MYO1E: variants seen among roughly 807,000 people sequenced by gnomAD.
MYO1E encodes the protein myosin IE, also known as unconventional myosin-Ie.
Under a neutral mutation model 151.1 loss-of-function variants are expected in MYO1E, and 68 were observed. That is an observed-to-expected ratio of 0.45 (90% CI 0.37 to 0.55). The LOEUF (loss-of-function observed/expected upper bound fraction) is 0.55, where lower values mean the gene tolerates loss of function less well. Among genes scored for constraint, MYO1E ranks in the 20% least tolerant of loss-of-function variants. The pLI is 0.00. For missense variants in MYO1E, 1,363 were observed against 1,389.3 expected, an observed-to-expected ratio of 0.98 and a Z score of 0.30; for synonymous variants, 601 against 501.7, an observed-to-expected ratio of 1.20 and a Z score of -2.64.
intron 4 of MYO1E, among the ~76,000 whole-genome samples, chr15:59,248,411 G>A (rs1032036713): frequency 2.0e-5 from 3 of 148,498 alleles, no homozygotes; most frequent in Admixed American, 6.7e-5. Context: ...GCTTGAACCC[G>A]GGGGGATGGA....
chr15:59,201,049 A>C (rs2079798406), intron 16 of MYO1E, among the ~76,000 whole-genome samples: 1 of 152,210 alleles, frequency 6.6e-6, no homozygotes, highest in South Asian at 2.1e-4. Flanking sequence ...GATTTTAAAA[A>C]ATAGCTCAGT....
intron 2 of MYO1E, among the ~76,000 whole-genome samples, chr15:59,268,917 G>C (rs1425810495): frequency 6.6e-6 from 1 of 151,502 alleles, no homozygotes; most frequent in African/African-American, 2.4e-5. Flanking sequence ...ACTGACTACG[G>C]ACATCATTTG....
chr15:59,183,825 C>T (rs1192936109), intron 18 of MYO1E, among the ~76,000 whole-genome samples: 6 of 152,110 alleles, frequency 3.9e-5, no homozygotes, highest in Admixed American at 2.0e-4. Context: ...CCTCCCTTCC[C>T]CTTCCCCCAC....
chr15:59,209,091 G>C, intron 13 of MYO1E: 4 of 576,154 alleles, frequency 6.9e-6, no homozygotes, highest in Non-Finnish European at 1.2e-5. Context: ...TTTTATCCAA[G>C]AGTCATGCAC....
rs534981642 is a variant in MYO1E at position 59,160,260 on chromosome 15, T to TA, written c.2785+812dup. On this transcript the variant is annotated intron_variant, in intron 24 of 27. Coordinates refer to ENST00000288235, the MANE Select transcript of MYO1E (RefSeq NM_004998.4). Reference sequence around the variant, plus strand: ...ATTATTCTATGCTGTGTGCTATAGATATAAGTTTATAAATATCAATTATAA... The same window carrying TA: ...ATTATTCTATGCTGTGTGCTATAGATAATAAGTTTATAAATATCAATTATAA... Among the ~76,000 whole-genome samples the TA allele has an allele frequency of 2.5e-3, 376 of 152,110 alleles. 3 individuals carry two copies. Among genetic ancestry groups the TA allele is most frequent in the African/African-American group, 8.5e-3 (354 of 41,480 alleles).
Position 59,218,190 on chromosome 15 carries a change from T to C in MYO1E, c.911-103A>G, listed in dbSNP as rs1404470407. ...ACTTATGTGCACATGCACGTGTGTG[T>C]GCATAGAAGGCACAATCACGGGCCC... On this transcript the variant is annotated intron_variant, in intron 9 of 27. Transcript: ENST00000288235. The C allele has an allele frequency of 1.1e-5, 16 of 1,393,272 alleles. No homozygotes were observed. In the African/African-American group the frequency reaches 2.1e-4, roughly 19 times the overall value. The allele number at this position is 1,393,272 out of a possible 1,614,324, so 86.3% of individuals were successfully genotyped here. A position where few individuals can be genotyped will look rare whatever the true frequency, so the allele number is the denominator to read the frequency against.
intron 3 of MYO1E, among the ~76,000 whole-genome samples, chr15:59,257,571 G>A (rs560443805): frequency 1.5e-4 from 23 of 152,070 alleles, no homozygotes; most frequent in Non-Finnish European, 2.5e-4. Flanking sequence ...TCATTGTGCA[G>A]TGACTTACTG....
At chr15:59,352,090 G>A (rs1263385902) in intron 1 of MYO1E, among the ~76,000 whole-genome samples, 1 of 152,210 alleles carries the variant, frequency 6.6e-6, no homozygotes, top group Non-Finnish European at 1.5e-5. Flanking sequence ...ACCCCGGGTT[G>A]ATAGGTTTTC....
rs890160839 is a variant in MYO1E at position 59,299,040 on chromosome 15, C to T, written c.4-26591G>A. Among the ~76,000 whole-genome samples the T allele has an allele frequency of 2.2e-4, 34 of 152,348 alleles. No individual in the cohort carries two copies. The South Asian group carries it at 3.3e-3, about 15-fold the overall frequency. ...GCCTGGTCTCTATGGCAAATTATCA[C>T]AGACATGAAGGCCAGTGAGCTTATT... is the stretch of plus-strand genomic sequence containing the variant. On this transcript the variant is annotated intron_variant, in intron 1 of 27. Transcript: ENST00000288235.
chr15:59,371,196 G>A (rs186450590), intron 1 of MYO1E, among the ~76,000 whole-genome samples: 1 of 152,248 alleles, frequency 6.6e-6, no homozygotes, highest in African/African-American at 2.4e-5. Flanking sequence ...TAAACAGCAC[G>A]GGGCAAGGGG....
At chr15:59,220,542 A>C (rs1477357578) in intron 9 of MYO1E, among the ~76,000 whole-genome samples, 3 of 151,940 alleles carry the variant, frequency 2.0e-5, no homozygotes, top group Non-Finnish European at 2.9e-5. Context: ...AAATCTTACC[A>C]TTTTTTTCCA....
intron 1 of MYO1E, among the ~76,000 whole-genome samples, chr15:59,325,793 T>A (rs980969620): frequency 2.0e-4 from 31 of 152,278 alleles, no homozygotes; most frequent in Middle Eastern, 3.4e-3. Context: ...GCATCTGTAG[T>A]GCTCAATGTC....
Position 59,217,941 on chromosome 15 carries a change from C to G in MYO1E, c.1057G>C (p.Asp353His), listed in dbSNP as rs754791632. The G allele has an allele frequency of 8.1e-6, 13 of 1,614,208 alleles. No individual in the cohort carries two copies. The highest frequency in any genetic ancestry group is 1.1e-5 in the South Asian group (1 of 91,076). Residue 353 changes from aspartate to histidine, a missense_variant, in exon 10 of 28, where the codon GAT becomes CAT. Transcript: ENST00000288235. Reference protein sequence around the residue: ...LNVEQACYTRDALAKALHARV... With the variant: ...LNVEQACYTRHALAKALHARV... ...GCGTGCAGGGCCTTGGCGAGCGCATCCCGGGTGTAACAGGCCTGCTCTACG... is the reference window on the plus strand; with the variant it reads ...GCGTGCAGGGCCTTGGCGAGCGCATGCCGGGTGTAACAGGCCTGCTCTACG...
intron 10 of MYO1E, among the ~76,000 whole-genome samples, chr15:59,216,438 C>A (rs2079914653): frequency 6.6e-6 from 1 of 151,442 alleles, no homozygotes; most frequent in African/African-American, 2.4e-5. Flanking sequence ...TATATAAGTG[C>A]CTGCTATTAT....
chr15:59,217,765 T>C, intron 10 of MYO1E, 126 bp downstream of exon 10: 3 of 1,082,804 alleles, frequency 2.8e-6, no homozygotes, highest in Non-Finnish European at 4.2e-6. Context: ...TGGGCTGCAG[T>C]GATCCTCCCA....
intron 23 of MYO1E, 124 bp from the exon 24 acceptor site, chr15:59,161,354 A>G: frequency 1.8e-6 from 2 of 1,106,424 alleles, no homozygotes; most frequent in Non-Finnish European, 2.6e-6. Flanking sequence ...GACAATCTAC[A>G]CCAGGAGCAG....
intron 1 of MYO1E, among the ~76,000 whole-genome samples, chr15:59,370,095 GC>G (rs2080936412): frequency 6.6e-6 from 1 of 152,044 alleles, no homozygotes; most frequent in South Asian, 2.1e-4. Context: ...ACAGGCGTGA[GC>G]CACTGCGCCT....
At chr15:59,214,053 A>G (rs2079898306) in intron 12 of MYO1E, among the ~76,000 whole-genome samples, 175 bp downstream of exon 12, 2 of 152,338 alleles carry the variant, frequency 1.3e-5, no homozygotes, top group African/African-American at 2.4e-5. Flanking sequence ...GACGGTATTT[A>G]TATTTCATAG....
chr15:59,334,506 C>T (rs1263804560), intron 1 of MYO1E, among the ~76,000 whole-genome samples: 5 of 151,406 alleles, frequency 3.3e-5, no homozygotes, highest in African/African-American at 9.7e-5. Flanking sequence ...CCATTTTAGA[C>T]GACTCCTGAC....
Sources: allele counts gnomAD v4.1 joint callset (sites outside exome capture counted in the v4.1 genomes callset), GRCh38; gene constraint gnomAD v4.1.1; transcripts MANE v1.5; gene names NCBI Gene and HGNC (gene_info 2026-07-23, HGNC 2026-07-21).